Variants in CD96 observed in about 807,000 individuals in gnomAD.
The protein encoded by CD96 is T-cell surface protein tactile.
In CD96, 70 loss-of-function variants were observed where a neutral mutation model predicts 71.3. The observed-to-expected ratio is 0.98, with a 90% CI of 0.81 to 1.20. The LOEUF (loss-of-function observed/expected upper bound fraction) is 1.20. CD96 is among the 50% of genes most tolerant of loss of function. The pLI is 0.00. For synonymous variants in CD96, 248 were observed against 233.0 expected (o/e 1.06, Z -0.59); for missense variants, 742 against 677.5 (o/e 1.10, Z -1.06).
intron 3 of CD96, among the ~76,000 whole-genome samples, chr3:111,576,606 G>A (rs1477037407): frequency 6.6e-6 from 1 of 152,090 alleles, no homozygotes; most frequent in East Asian, 1.9e-4. Context: ...TTTTGATGCT[G>A]TGACTTAAAT....
In CD96 at chr3:111,633,445, G is replaced by A. The variant is rs796543534; in HGVS notation, c.1322-3751G>A. On this transcript the variant is annotated intron_variant, in intron 10 of 13. Coordinates refer to ENST00000352690, the MANE Select transcript of CD96 (RefSeq NM_005816.5). ...AGACATGAATTGAGCACATGCTGTT[G>A]GAAAAAAAATGGCACCTATAGACTT... 1.3e-4 allele frequency among the ~76,000 whole-genome samples: 20 copies of A among 151,940 alleles called. 1 individual carries two copies. Among genetic ancestry groups the A allele is most frequent in the African/African-American group, 4.1e-4 (17 of 41,466 alleles).
downstream of CD96, among the ~76,000 whole-genome samples, chr3:111,657,228 G>A (rs559438815): frequency 3.7e-4 from 57 of 152,136 alleles, no homozygotes; most frequent in African/African-American, 1.3e-3. Flanking sequence ...GACCAGCCTG[G>A]CCAACATGGT....
chr3:111,613,767 T>C (rs1259620675), intron 8 of CD96, among the ~76,000 whole-genome samples: 1 of 152,188 alleles, frequency 6.6e-6, no homozygotes, highest in African/African-American at 2.4e-5. Flanking sequence ...ATATTTCTAT[T>C]TGAGACAATA....
In CD96 at chr3:111,545,248, TG is replaced by T; in HGVS notation, c.265del (p.Val89Ter). On this transcript the variant is annotated frameshift_variant, in exon 2 of 14. Coordinates refer to ENST00000352690, the MANE Select transcript of CD96 (RefSeq NM_005816.5). LOFTEE classifies it high-confidence loss of function. ...CAYGRPCESLVTFTETPENGS... is the reference protein window; with the variant it reads ...CAYGRPCESLXTFTETPENGS... Reference sequence around the variant, plus strand: ...CCTATGGGAGACCCTGTGAGTCACTTGTGACTTTCACAGAAACTCCTGAGAA... The same window carrying T: ...CCTATGGGAGACCCTGTGAGTCACTTTGACTTTCACAGAAACTCCTGAGAA... The T allele has an allele frequency of 6.2e-7, 1 of 1,614,114 alleles. No homozygotes were observed. Among genetic ancestry groups the T allele is most frequent in the East Asian group, 2.2e-5 (1 of 44,876 alleles).
intron 2 of CD96, among the ~76,000 whole-genome samples, chr3:111,556,545 T>C (rs1253109465): frequency 7.5e-6 from 1 of 134,200 alleles, no homozygotes; most frequent in Non-Finnish European, 1.6e-5. Context: ...CATCATTTTT[T>C]ATGGCTGCAT....
chr3:111,587,009 C>G (rs6798023), intron 5 of CD96, among the ~76,000 whole-genome samples: 1 of 152,032 alleles, frequency 6.6e-6, no homozygotes, highest in Non-Finnish European at 1.5e-5. Flanking sequence ...GCCTATGAAC[C>G]TGTAAAATCA....
At chr3:111,573,367 T>C (rs777646285) in intron 3 of CD96, among the ~76,000 whole-genome samples, 39 of 152,182 alleles carry the variant, frequency 2.6e-4, no homozygotes, top group Non-Finnish European at 4.7e-4. Context: ...TTTCCTACCA[T>C]GACATACACC....
intron 5 of CD96, among the ~76,000 whole-genome samples, chr3:111,597,750 T>C (rs936154099): frequency 1.3e-5 from 2 of 152,244 alleles, no homozygotes; most frequent in African/African-American, 4.8e-5. Context: ...TATTCTTCTC[T>C]GGCCTCTGTT....
intron 14 of CD96, among the ~76,000 whole-genome samples, chr3:111,664,989 A>G (rs1009968746): frequency 6.6e-6 from 1 of 152,372 alleles, no homozygotes; most frequent in African/African-American, 2.4e-5. Flanking sequence ...GGACTATGAT[A>G]TAAATAACTT....
chr3:111,564,475 T>G (rs571644809), intron 2 of CD96, among the ~76,000 whole-genome samples: 1 of 152,194 alleles, frequency 6.6e-6, no homozygotes, highest in South Asian at 2.1e-4. Context: ...TTTTAAAAAT[T>G]TATTATTTCT....
chr3:111,549,120 C>T (rs1242080191), intron 2 of CD96, among the ~76,000 whole-genome samples: 1 of 152,014 alleles, frequency 6.6e-6, no homozygotes, highest in Non-Finnish European at 1.5e-5. Context: ...CTTTCCTTTC[C>T]CTTCCCCCTT....
chr3:111,595,948 G>A (rs1318561776), intron 5 of CD96, among the ~76,000 whole-genome samples: 3 of 151,978 alleles, frequency 2.0e-5, no homozygotes, highest in Non-Finnish European at 2.9e-5. Context: ...GATCACTTGA[G>A]GTCAGGAGAT....
chr3:111,626,185 C>T (rs9876834), intron 10 of CD96, among the ~76,000 whole-genome samples: 18,736 of 151,410 alleles, frequency 0.12, 1,479 homozygotes, highest in East Asian at 0.28. Context: ...CCTGTAGTCC[C>T]AGCTACTCGG....
At chr3:111,663,987 T>C (rs1008466307) in intron 14 of CD96, among the ~76,000 whole-genome samples, 6 of 152,142 alleles carry the variant, frequency 3.9e-5, no homozygotes, top group African/African-American at 1.4e-4. Context: ...CCTGACCTCG[T>C]GATCTTCCTG....
At chr3:111,646,836 C>T (rs893391191) in intron 12 of CD96, among the ~76,000 whole-genome samples, 1 of 151,874 alleles carries the variant, frequency 6.6e-6, no homozygotes, top group African/African-American at 2.4e-5. Context: ...TCCACAGTGA[C>T]TGGATAAAGA....
At position 111,638,257 on chromosome 3, in the gene CD96, C is replaced by A. The variant is rs902032287; in HGVS notation, c.1477+89C>A. 3 of 849,338 alleles carry A rather than the reference C, an allele frequency of 3.5e-6. No individual in the cohort carries two copies. In the African/African-American group the frequency reaches 5.0e-5, roughly 14 times the overall value. 52.6% of individuals were successfully genotyped at this position (849,338 alleles called of 1,614,324 possible). ...TACCTGCCATTTGCCAGGCATTATG[C>A]CAGTTGTTGGATATACAGTGAACAC... On this transcript the variant is annotated intron_variant, in intron 12 of 13. Transcript: ENST00000352690.
At chr3:111,559,431 G>T (rs1576316051) in intron 2 of CD96, among the ~76,000 whole-genome samples, 1 of 111,678 alleles carries the variant, frequency 9.0e-6, no homozygotes, top group East Asian at 2.3e-4. Context: ...TGGTTTCAAA[G>T]AACATCTTTA....
downstream of CD96, among the ~76,000 whole-genome samples, chr3:111,654,497 G>A (rs555965467): frequency 2.0e-5 from 3 of 152,304 alleles, no homozygotes; most frequent in Admixed American, 6.5e-5. Context: ...GGGAACAATA[G>A]AATCTAAATT....
intron 4 of CD96, among the ~76,000 whole-genome samples, chr3:111,580,142 C>T (rs1936400097): frequency 6.6e-6 from 1 of 152,184 alleles, no homozygotes; most frequent in African/African-American, 2.4e-5. Flanking sequence ...TGAGACCATC[C>T]AGGTCCAGCC....
Sources: gnomAD v4.1 joint callset for allele counts (sites outside exome capture counted in the v4.1 genomes callset) on GRCh38, gnomAD v4.1.1 for gene constraint, MANE v1.5 for transcripts, NCBI Gene and HGNC (gene_info 2026-07-23, HGNC 2026-07-21) for gene names.